The following PNMA6E variants were observed in gnomAD, a reference collection of about 807,000 sequenced individuals.
The protein encoded by PNMA6E is PNMA family member 6E, also known as paraneoplastic antigen Ma6E.
For missense variants in PNMA6E, 78 were observed against 50.8 expected (o/e 1.53, Z -1.63); for synonymous variants, 43 against 17.1 (o/e 2.52, Z -3.74).
chrX:153,412,746 G>A, the PNMA6E span, among the ~76,000 whole-genome samples: 1 of 111,507 alleles, frequency 9.0e-6, no homozygotes, highest in African/African-American at 3.3e-5. Context: ...GGTGGGAGGA[G>A]GGTTGGGCAA....
intron 1 of PNMA6E, among the ~76,000 whole-genome samples, chrX:153,399,741 CTG>C (rs1463171015): frequency 8.9e-6 from 1 of 111,934 alleles, no homozygotes; most frequent in Non-Finnish European, 1.9e-5. Flanking sequence ...CTTTTTATCT[CTG>C]TTATTTCTTT....
the PNMA6E span, among the ~76,000 whole-genome samples, chrX:153,412,142 T>TTGTGATA: frequency 8.9e-6 from 1 of 112,385 alleles, no homozygotes; most frequent in Admixed American, 9.3e-5. Flanking sequence ...AAAATTGTGC[T>TTGTGATA]CCAGAGGGTA....
chrX:153,399,409 G>A (rs1185098619), intron 1 of PNMA6E, among the ~76,000 whole-genome samples: 4 of 110,428 alleles, frequency 3.6e-5, no homozygotes, highest in East Asian at 2.8e-4. Context: ...GCAGCAGCTT[G>A]ATCTCGGCTC....
rs2088827936 is a variant in PNMA6E at position 153,398,565 on chromosome X, G to A, written c.285C>T (p.Pro95=). 1 of 345,961 alleles carries A rather than the reference G, an allele frequency of 2.9e-6. No individual in the cohort carries two copies. The highest frequency in any genetic ancestry group is 5.0e-5 in the Admixed American group (1 of 19,808). 28.5% of individuals were successfully genotyped at this position (345,961 alleles called of 1,213,427 possible). A position where few individuals can be genotyped will look rare whatever the true frequency, so the allele number is the denominator to read the frequency against. ...NGGPWKVIFL[P]QVPVIEFQDM... is the part of the protein sequence containing the mutation. ...CCTGAAACTCAATAACAGGTACTTG[G>A]GGCAGGAAGATCACTTTCCAGGGCC... Residue 95 remains proline, a synonymous_variant, in exon 2 of 2, where the codon CCC becomes CCT. Transcript: ENST00000445091.
upstream of PNMA6E, among the ~76,000 whole-genome samples, chrX:153,405,695 C>T (rs1466452847): frequency 1.8e-5 from 2 of 108,807 alleles, no homozygotes. Flanking sequence ...TGGAGAGGCC[C>T]ACGTGCTGAG....
At position 153,401,055 on chromosome X, in the gene PNMA6E, C is replaced by T. The variant is rs369981144; in HGVS notation, c.-72+189G>A. Among the ~76,000 whole-genome samples, 21 of 109,482 alleles carry T rather than the reference C, an allele frequency of 1.9e-4. No homozygotes were observed. In the East Asian group the frequency reaches 4.4e-3, roughly 23 times the overall value. On this transcript the variant is annotated intron_variant, in intron 1 of 1. Transcript: ENST00000445091. ...GGGCCTTCCTTGGCGGGAAGCCCAC[C>T]GTGACAGCCACGCCGCACCTAAACC... is the stretch of plus-strand genomic sequence containing the variant.
chrX:153,406,438 A>G, the PNMA6E span, among the ~76,000 whole-genome samples: 2 of 112,084 alleles, frequency 1.8e-5, no homozygotes, highest in African/African-American at 6.5e-5. Context: ...GACATTTTCC[A>G]CTCCTCTTTT....
chrX:153,398,561 C>T lies in PNMA6E; in HGVS notation c.289G>A (p.Val97Ile), dbSNP rs1453295747. 2 of 350,204 alleles carry T rather than the reference C, an allele frequency of 5.7e-6. No homozygotes were observed. Among genetic ancestry groups the T allele is most frequent in the Middle Eastern group, 7.7e-4 (1 of 1,293 alleles). The allele number at this position is 350,204 out of a possible 1,213,427, so 28.9% of individuals were successfully genotyped here. A position where few individuals can be genotyped will look rare whatever the true frequency, so the allele number is the denominator to read the frequency against. ...GPWKVIFLPQ[V>I]PVIEFQDMPS... ...ATATCCTGAAACTCAATAACAGGTA[C>T]TTGGGGCAGGAAGATCACTTTCCAG... Residue 97 changes from valine to isoleucine, a missense_variant, in exon 2 of 2, where the codon GTA becomes ATA. Coordinates refer to ENST00000445091, the MANE Select transcript of PNMA6E (RefSeq NM_001367770.1).
chrX:153,410,330 T>G, the PNMA6E span, among the ~76,000 whole-genome samples: 2 of 111,858 alleles, frequency 1.8e-5, no homozygotes, highest in Non-Finnish European at 3.8e-5. Context: ...TGCCTGGGTG[T>G]TAAGATATGG....
chrX:153,412,433 G>A, the PNMA6E span, among the ~76,000 whole-genome samples: 1 of 112,618 alleles, frequency 8.9e-6, no homozygotes, highest in South Asian at 3.7e-4. Flanking sequence ...TGTTGTTCTC[G>A]TTCTAGTGGC....
chrX:153,401,042 G>A (rs2088847350), intron 1 of PNMA6E, among the ~76,000 whole-genome samples: 2 of 109,318 alleles, frequency 1.8e-5, no homozygotes, highest in South Asian at 8.4e-4. Context: ...GCCTTCCTTG[G>A]CGGGAAGCCC....
In PNMA6E at chrX:153,398,818, C is replaced by G. The variant is rs1556970881; in HGVS notation, c.32G>C (p.Arg11Thr). ...GCGCTCTGCGTTCGCACCCATCCAC[C>G]TGCACCAGTCCCGAAGCATCGCCAG... MALAMLRDWC[R>T]WMGANAERSL... is the part of the protein sequence containing the mutation. The change falls in exon 2 of 2, where the codon AGG becomes ACG. Residue 11 changes from arginine (R) to threonine (T), a missense_variant. Transcript: ENST00000445091. 3.3e-6 allele frequency: 1 copy of G among 299,337 alleles called. No homozygotes were observed. Among genetic ancestry groups the G allele is most frequent in the East Asian group, 4.7e-5 (1 of 21,073 alleles). 24.7% of individuals were successfully genotyped at this position (299,337 alleles called of 1,213,427 possible).
At chrX:153,412,041 G>A in the PNMA6E span, among the ~76,000 whole-genome samples, 1 of 113,055 alleles carries the variant, frequency 8.8e-6, no homozygotes, top group Admixed American at 9.3e-5. Flanking sequence ...ACCTCTGGGT[G>A]TGAGAGTGCT....
chrX:153,409,700 G>A, the PNMA6E span, among the ~76,000 whole-genome samples: 1 of 112,389 alleles, frequency 8.9e-6, no homozygotes, highest in Non-Finnish European at 1.9e-5. Context: ...TTCTAAGCTT[G>A]TGTGGGACCC....
At position 153,396,703 on chromosome X, in the gene PNMA6E, G is replaced by T. The variant is rs1014925658; in HGVS notation, c.*203C>A. The T allele has an allele frequency of 6.9e-5, 19 of 275,374 alleles. No homozygotes were observed. Among genetic ancestry groups the T allele is most frequent in the Non-Finnish European group, 1.1e-4 (17 of 156,393 alleles). The allele number at this position is 275,374 out of a possible 1,213,427, so 22.7% of individuals were successfully genotyped here. A position where few individuals can be genotyped will look rare whatever the true frequency, so the allele number is the denominator to read the frequency against. The stretch of plus-strand genomic sequence containing the variant: ...TGTGCTGGGTGCAAGGGAGCGGGGG[G>T]GCGCCTCTCCCCACCCCATTTTGTA... On this transcript the variant is annotated 3_prime_UTR_variant, in exon 2 of 2. Coordinates refer to ENST00000445091, the MANE Select transcript of PNMA6E (RefSeq NM_001367770.1).
Position 153,396,575 on chromosome X carries a change from G to C in PNMA6E, c.*331C>G, listed in dbSNP as rs782232282. 2.2e-5 allele frequency: 3 copies of C among 133,517 alleles called. No individual in the cohort carries two copies. In the South Asian group the frequency reaches 1.0e-3, roughly 46 times the overall value. The allele number at this position is 133,517 out of a possible 1,213,427, so 11.0% of individuals were successfully genotyped here. ...CTCTCCCAACTCACGGCCTGGGTTGGGGGCAGACATCTTCAGGTGCCCCCA... is the reference window on the plus strand; with the variant it reads ...CTCTCCCAACTCACGGCCTGGGTTGCGGGCAGACATCTTCAGGTGCCCCCA... On this transcript the variant is annotated 3_prime_UTR_variant, in exon 2 of 2. Coordinates refer to ENST00000445091, the MANE Select transcript of PNMA6E (RefSeq NM_001367770.1).
At chrX:153,401,663 G>T (rs1298756010), upstream of PNMA6E, among the ~76,000 whole-genome samples, 2 of 112,081 alleles carry the variant, frequency 1.8e-5, no homozygotes, top group Non-Finnish European at 3.8e-5. Context: ...GTTCATTGCG[G>T]TAAATCGGTC....
At position 153,398,475 on chromosome X, in the gene PNMA6E, T is replaced by A; in HGVS notation, c.375A>T (p.Gly125=). 2.4e-6 allele frequency: 1 copy of A among 415,090 alleles called. No individual in the cohort carries two copies. The allele number at this position is 415,090 out of a possible 1,213,427, so 34.2% of individuals were successfully genotyped here. ...CTACACCTCCTGCCTCACCTGCGCC[T>A]CCTCCCTCACCTGCAGCTTTTGCTA... The part of the protein sequence containing the change: ...QAVAKAAGEG[G]GAGEAGGVGE... The change falls in exon 2 of 2, where the codon GGA becomes GGT. Residue 125 remains glycine (G), a synonymous_variant. Coordinates refer to ENST00000445091, the MANE Select transcript of PNMA6E (RefSeq NM_001367770.1).
upstream of PNMA6E, among the ~76,000 whole-genome samples, chrX:153,402,075 G>A (rs1425674422): frequency 9.0e-5 from 10 of 110,533 alleles, no homozygotes; most frequent in Non-Finnish European, 1.5e-4. Flanking sequence ...CGCCCGCCTC[G>A]GCCTCCCAAA....
Sources: gnomAD v4.1 joint callset for allele counts (sites outside exome capture counted in the v4.1 genomes callset) on GRCh38, gnomAD v4.1.1 for gene constraint, MANE v1.5 for transcripts, NCBI Gene and HGNC (gene_info 2026-07-23, HGNC 2026-07-21) for gene names.